Variants in GOLT1B observed in about 807,000 individuals in gnomAD.
GOLT1B encodes golgi transport 1B, also known as vesicle transport protein GOT1B.
A neutral mutation model predicts 15.4 loss-of-function variants in GOLT1B; 3 were observed. The observed-to-expected ratio is 0.19, with a 90% CI of 0.09 to 0.50. The LOEUF (loss-of-function observed/expected upper bound fraction) is 0.50, where lower values mean the gene tolerates loss of function less well. GOLT1B is among the 20% of genes least tolerant of loss of function. The probability of loss-of-function intolerance (pLI) is 0.97; values close to 1 mark genes in which losing one functional copy is unlikely to be tolerated. For synonymous variants in GOLT1B, 65 were observed against 56.2 expected (o/e 1.16, Z -0.70); for missense variants, 145 against 160.4 (o/e 0.90, Z 0.52).
chr12:21,508,649 T>A, intron 3 of GOLT1B, 88 bp downstream of exon 3: 2 of 706,378 alleles, frequency 2.8e-6, no homozygotes, highest in East Asian at 5.4e-5. Context: ...TGGAGTAAGA[T>A]GATGATCATT....
rs180781717 is a variant in GOLT1B at position 21,504,912 on chromosome 12, G to C, written c.26-1973G>C. 1.3e-3 allele frequency among the ~76,000 whole-genome samples: 200 copies of C among 152,252 alleles called. 1 individual carries two copies. Among genetic ancestry groups the C allele is most frequent in the Non-Finnish European group, 2.2e-3 (150 of 68,020 alleles). ...AAGTTCAGAATACTCCAGTGTCCTT[G>C]AGTTTCATGTAACCAAACACCTTTA... On this transcript the variant is annotated intron_variant, in intron 1 of 4. Coordinates refer to ENST00000229314, the MANE Select transcript of GOLT1B (RefSeq NM_016072.5).
intron 3 of GOLT1B, among the ~76,000 whole-genome samples, chr12:21,509,886 A>C (rs1943707726): frequency 6.6e-6 from 1 of 152,242 alleles, no homozygotes; most frequent in South Asian, 2.1e-4. Context: ...AATGAAACTG[A>C]AAATGAAGCC....
chr12:21,515,348 ATTTTTTG>A, intron 4 of GOLT1B: 2 of 716,928 alleles, frequency 2.8e-6, no homozygotes, highest in Non-Finnish European at 2.3e-6. Context: ...TTTATTTTTT[ATTTTTTG>A]TTAAGCTAGC....
intron 3 of GOLT1B, among the ~76,000 whole-genome samples, chr12:21,508,919 A>AGATAGATAGATC (rs1555149887): frequency 0.22 from 33,170 of 151,236 alleles, 3,989 homozygotes; most frequent in East Asian, 0.3. Context: ...ATAGATAGAT[A>AGATAGATAGATC]GATCCAGCAT....
At chr12:21,510,559 G>A (rs1471050956) in intron 3 of GOLT1B, among the ~76,000 whole-genome samples, 1 of 152,162 alleles carries the variant, frequency 6.6e-6, no homozygotes, top group African/African-American at 2.4e-5. Flanking sequence ...GAGATATTCT[G>A]AGCTGGAGAT....
chr12:21,503,789 T>G lies in GOLT1B; in HGVS notation c.25+1841T>G, dbSNP rs151118486. On this transcript the variant is annotated intron_variant, in intron 1 of 4. Coordinates refer to ENST00000229314, the MANE Select transcript of GOLT1B (RefSeq NM_016072.5). ...CAGGATTATTCTGGGATTTTGGTTT[T>G]TAGAGAGTGGCCAAGCACTGCTCAG... is the stretch of plus-strand genomic sequence containing the variant. Among the ~76,000 whole-genome samples, 573 of 152,308 alleles carry G rather than the reference T, an allele frequency of 3.8e-3. 4 individuals are homozygous for G. The highest frequency in any genetic ancestry group is 0.013 in the African/African-American group (551 of 41,566).
At chr12:21,514,992 T>TAA (rs35343568) in intron 4 of GOLT1B, among the ~76,000 whole-genome samples, 2 of 142,902 alleles carry the variant, frequency 1.4e-5, no homozygotes, top group African/African-American at 5.1e-5. Flanking sequence ...TCTGGAATGT[T>TAA]AAAAAAAAAA....
At chr12:21,504,585 T>C (rs767010901) in intron 1 of GOLT1B, 21 of 509,176 alleles carry the variant, frequency 4.1e-5, no homozygotes, top group Admixed American at 1.4e-4. Flanking sequence ...CAGACTGTTG[T>C]ACCTGCCTCC....
chr12:21,508,190 A>G, intron 2 of GOLT1B, 193 bp from the exon 3 acceptor site: 1 of 561,926 alleles, frequency 1.8e-6, no homozygotes, highest in Non-Finnish European at 3.1e-6. Flanking sequence ...GAACAAAGCT[A>G]CAACTTTAAA....
In GOLT1B at chr12:21,506,939, TTC is replaced by T; in HGVS notation, c.84_85del (p.Phe30Ter). 6.6e-7 allele frequency: 1 copy of T among 1,511,156 alleles called. No homozygotes were observed. The highest frequency in any genetic ancestry group is 9.2e-7 in the Non-Finnish European group (1 of 1,088,848). 93.6% of individuals were successfully genotyped at this position (1,511,156 alleles called of 1,614,324 possible). A position where few individuals can be genotyped will look rare whatever the true frequency, so the allele number is the denominator to read the frequency against. On this transcript the variant is annotated frameshift_variant, in exon 2 of 5. Transcript: ENST00000229314. LOFTEE classifies it high-confidence loss of function. ...GTGTTTTTCCTGTTCTTTGGAATGATTCTCTTTTTTGACAAAGCACTACTGGC... is the reference window on the plus strand; with the variant it reads ...GTGTTTTTCCTGTTCTTTGGAATGATTCTTTTTTGACAAAGCACTACTGGC...
intron 3 of GOLT1B, 130 bp from the exon 4 acceptor site, chr12:21,512,165 G>A (rs73079372): frequency 4.9e-6 from 3 of 611,434 alleles, no homozygotes; most frequent in African/African-American, 3.7e-5. Flanking sequence ...TAAGTTTGTA[G>A]TTATTTCTAA....
rs11555095 is a variant in GOLT1B at position 21,518,056 on chromosome 12, T to C, written c.*2349T>C. The C allele has an allele frequency of 6.6e-6, 1 of 152,602 alleles. No homozygotes were observed. The highest frequency in any genetic ancestry group is 1.5e-5 in the Non-Finnish European group (1 of 67,992). The allele number at this position is 152,602 out of a possible 1,614,324, so 9.5% of individuals were successfully genotyped here. ...CCCTTATAAATTGTAATTCCTGAAA[T>C]ACTGCTGCTTTAAAAAGTCCCACTG... is the stretch of plus-strand genomic sequence containing the variant. On this transcript the variant is annotated 3_prime_UTR_variant, in exon 5 of 5. Coordinates refer to ENST00000229314, the MANE Select transcript of GOLT1B (RefSeq NM_016072.5).
intron 1 of GOLT1B, among the ~76,000 whole-genome samples, chr12:21,506,608 A>G (rs1457616868): frequency 1.3e-5 from 2 of 152,030 alleles, no homozygotes; most frequent in Non-Finnish European, 2.9e-5. Context: ...AAGGTTTAGA[A>G]TCCCGATTTA....
intron 3 of GOLT1B, 28 bp from the exon 4 acceptor site, chr12:21,512,267 T>C: frequency 8.9e-7 from 1 of 1,118,342 alleles, no homozygotes; most frequent in African/African-American, 1.6e-5. Flanking sequence ...TGTGTAAATA[T>C]TAAGAACCTT....
At chr12:21,510,027 G>T (rs1457786422) in intron 3 of GOLT1B, among the ~76,000 whole-genome samples, 23 of 152,194 alleles carry the variant, frequency 1.5e-4, no homozygotes, top group Admixed American at 1.5e-3. Context: ...TTTTAAGCCA[G>T]AGGTGGTACA....
At chr12:21,515,282 T>C in intron 4 of GOLT1B, 1 of 1,365,754 alleles carries the variant, frequency 7.3e-7, no homozygotes, top group Non-Finnish European at 1.0e-6. Context: ...TCAGTTGAAA[T>C]ATCTTATTGG....
rs146450994 is a variant in GOLT1B, at chr12:21,515,383, A to C, written c.379-286A>C. 572 of 602,656 alleles carry C rather than the reference A, an allele frequency of 9.5e-4. 2 individuals are homozygous for C. The East Asian group carries it at 0.015, about 15-fold the overall frequency. The allele number at this position is 602,656 out of a possible 1,614,324, so 37.3% of individuals were successfully genotyped here. A position where few individuals can be genotyped will look rare whatever the true frequency, so the allele number is the denominator to read the frequency against. ...AAGCTAGCAGTGTTATCTTCATCTT[A>C]TACAATTTCTTTATTCATTGTGTTG... On this transcript the variant is annotated intron_variant, in intron 4 of 4. Transcript: ENST00000229314.
In GOLT1B at chr12:21,517,954, A is replaced by AC. The variant is rs1943768055; in HGVS notation, c.*2248dup. On this transcript the variant is annotated 3_prime_UTR_variant, in exon 5 of 5. Coordinates refer to ENST00000229314, the MANE Select transcript of GOLT1B (RefSeq NM_016072.5). ...GAGATGGAGGAAAAGGTCTAATACT[A>AC]CATAGCCTTAAGTGTTTCTGTCATT... 1.3e-5 allele frequency: 2 copies of AC among 152,584 alleles called. No individual in the cohort carries two copies. Among genetic ancestry groups the AC allele is most frequent in the African/African-American group, 4.8e-5 (2 of 41,462 alleles). The allele number at this position is 152,584 out of a possible 1,614,324, so 9.5% of individuals were successfully genotyped here.
Position 21,508,383 on chromosome 12 carries a change from G to T in GOLT1B, c.118G>T (p.Val40Phe). 6.5e-7 allele frequency: 1 copy of T among 1,534,664 alleles called. No homozygotes were observed. The highest frequency in any genetic ancestry group is 8.8e-7 in the Non-Finnish European group (1 of 1,131,822). Reference protein sequence around the residue: ...FDKALLAIGNVLFVAGLAFVI... With the variant: ...FDKALLAIGNFLFVAGLAFVI... ...GTGTTGTATTTTCTTTCTCTTTTAG[G>T]TTTTATTTGTAGCCGGCTTGGCTTT... Residue 40 changes from valine (V) to phenylalanine (F), a missense_variant and splice_region_variant, in exon 3 of 5, where the codon GTT becomes TTT. Physicochemically the swap from Val to Phe is conservative, Grantham distance 50 (BLOSUM62 -1). Transcript: ENST00000229314.
Sources: allele counts gnomAD v4.1 joint callset (sites outside exome capture counted in the v4.1 genomes callset), GRCh38; gene constraint gnomAD v4.1.1; transcripts MANE v1.5; gene names NCBI Gene and HGNC (gene_info 2026-07-23, HGNC 2026-07-21).